The following NXPH1 variants were observed in gnomAD, a reference collection of about 807,000 sequenced individuals.
NXPH1 encodes the protein neurexophilin 1.
In NXPH1, 5 loss-of-function variants were observed where a neutral mutation model predicts 23.7. The observed-to-expected ratio is 0.21, with a 90% CI of 0.11 to 0.44. The LOEUF (loss-of-function observed/expected upper bound fraction) is 0.44. Ranked by LOEUF, NXPH1 falls within the 20% of genes least tolerant of loss-of-function variation. The pLI, the probability that NXPH1 is intolerant of heterozygous loss-of-function variation, is 0.99. For missense variants in NXPH1, 324 were observed against 321.6 expected (o/e 1.01, Z -0.06); for synonymous variants, 144 against 122.2 (o/e 1.18, Z -1.18).
chr7:8,724,002 C>CAAAT (rs1400348855), intron 2 of NXPH1, among the ~76,000 whole-genome samples: 2 of 152,150 alleles, frequency 1.3e-5, no homozygotes, highest in African/African-American at 2.4e-5. Context: ...AATAAATAAT[C>CAAAT]AAATAAATAA....
intron 2 of NXPH1, among the ~76,000 whole-genome samples, chr7:8,543,524 C>CA (rs36046243): frequency 6.6e-6 from 1 of 151,524 alleles, no homozygotes; most frequent in South Asian, 2.1e-4. Flanking sequence ...GCCAAATCCT[C>CA]AAAAATCCCA....
At chr7:8,466,706 AT>A (rs1418555857) in intron 2 of NXPH1, among the ~76,000 whole-genome samples, 1 of 152,164 alleles carries the variant, frequency 6.6e-6, no homozygotes, top group Non-Finnish European at 1.5e-5. Flanking sequence ...AAAAAAGTAA[AT>A]GATCTAAAAC....
intron 2 of NXPH1, among the ~76,000 whole-genome samples, chr7:8,683,430 T>C (rs904366255): frequency 6.6e-6 from 1 of 152,134 alleles, no homozygotes; most frequent in Non-Finnish European, 1.5e-5. Context: ...TCTCCAAAGT[T>C]TCCCAAAATC....
intron 2 of NXPH1, among the ~76,000 whole-genome samples, chr7:8,457,694 T>G (rs1362667245): frequency 6.6e-6 from 1 of 152,084 alleles, no homozygotes; most frequent in East Asian, 1.9e-4. Flanking sequence ...TTGACTGGAG[T>G]GCTCAGTTCC....
chr7:8,570,698 G>A lies in NXPH1; in HGVS notation c.54+134931G>A, dbSNP rs142868109. Among the ~76,000 whole-genome samples the A allele has an allele frequency of 1.9e-3, 294 of 152,028 alleles. 2 individuals carry two copies. Among genetic ancestry groups the A allele is most frequent in the African/African-American group, 6.7e-3 (279 of 41,526 alleles). On this transcript the variant is annotated intron_variant, in intron 2 of 2. Transcript: ENST00000405863. ...AAGTACAACTTAGACAAAGGACCTGGAATGTACAAAGGTCTGGAAGTGGGA... is the reference window on the plus strand; with the variant it reads ...AAGTACAACTTAGACAAAGGACCTGAAATGTACAAAGGTCTGGAAGTGGGA...
intron 2 of NXPH1, among the ~76,000 whole-genome samples, chr7:8,565,602 G>C (rs1215073832): frequency 6.6e-6 from 1 of 151,700 alleles, no homozygotes; most frequent in African/African-American, 2.4e-5. Context: ...TTTTATACTA[G>C]AGAAAAAACA....
At chr7:8,479,864 G>A (rs953667967) in intron 2 of NXPH1, among the ~76,000 whole-genome samples, 1 of 152,032 alleles carries the variant, frequency 6.6e-6, no homozygotes, top group Admixed American at 6.6e-5. Flanking sequence ...AGTAGATAAC[G>A]GTATTTTAAA....
chr7:8,498,338 T>A (rs1817373430), intron 2 of NXPH1, among the ~76,000 whole-genome samples: 1 of 152,090 alleles, frequency 6.6e-6, no homozygotes, highest in Non-Finnish European at 1.5e-5. Flanking sequence ...TGCTGAATGC[T>A]TTAATTTCAG....
At chr7:8,705,914 C>T (rs1350926838) in intron 2 of NXPH1, among the ~76,000 whole-genome samples, 5 of 152,264 alleles carry the variant, frequency 3.3e-5, no homozygotes, top group South Asian at 2.1e-4. Flanking sequence ...TTCTTTGTTG[C>T]TCCACTGTGT....
Position 8,484,267 on chromosome 7 carries a change from C to T in NXPH1, c.54+48500C>T, listed in dbSNP as rs1444374930. On this transcript the variant is annotated intron_variant, in intron 2 of 2. Transcript: ENST00000405863. ...CAGAAACCTCATATTTTGGGCCTTA[C>T]ATATCAAGAATTTGTTAGGTTTCTA... Among the ~76,000 whole-genome samples, 11 of 151,988 alleles carry T rather than the reference C, an allele frequency of 7.2e-5. 1 individual carries two copies. The highest frequency in any genetic ancestry group is 7.2e-4 in the Admixed American group (11 of 15,242).
At chr7:8,742,747 AT>A (rs1468260881) in intron 2 of NXPH1, among the ~76,000 whole-genome samples, 1 of 152,124 alleles carries the variant, frequency 6.6e-6, no homozygotes, top group Non-Finnish European at 1.5e-5. Flanking sequence ...TTTACATTTT[AT>A]TTTATTAATT....
rs1313262219 is a variant in NXPH1 at position 8,648,294 on chromosome 7, C to T, written c.55-102714C>T. Among the ~76,000 whole-genome samples, 3 of 152,106 alleles carry T rather than the reference C, an allele frequency of 2.0e-5. No individual in the cohort carries two copies. In the South Asian group the frequency reaches 6.2e-4, roughly 32 times the overall value. ...TTTTCTTGTAGCCATTAACCACTCC[C>T]ACCTACACCCAATCCCCCCACTACC... On this transcript the variant is annotated intron_variant, in intron 2 of 2. Coordinates refer to ENST00000405863, the MANE Select transcript of NXPH1 (RefSeq NM_152745.3).
chr7:8,686,006 G>A (rs374371963), intron 2 of NXPH1, among the ~76,000 whole-genome samples: 6 of 151,980 alleles, frequency 3.9e-5, no homozygotes, highest in East Asian at 3.9e-4. Context: ...CGTTGCATGC[G>A]TGTATCAAAA....
chr7:8,482,946 A>G (rs1022960274), intron 2 of NXPH1, among the ~76,000 whole-genome samples: 1 of 152,220 alleles, frequency 6.6e-6, no homozygotes, highest in African/African-American at 2.4e-5. Context: ...ATCCAAATAA[A>G]CGAAATATCT....
chr7:8,655,434 CTCTCTCTCTCTCTCT>C (rs1562444312), intron 2 of NXPH1, among the ~76,000 whole-genome samples: 4 of 53,300 alleles, frequency 7.5e-5, no homozygotes, highest in South Asian at 1.4e-3. Context: ...CTCTCTCTCT[CTCTCTCTCTCTCTCT>C]ATACACACAC....
intron 2 of NXPH1, among the ~76,000 whole-genome samples, chr7:8,646,772 C>T (rs1342924423): frequency 2.0e-5 from 3 of 151,918 alleles, no homozygotes; most frequent in East Asian, 3.9e-4. Flanking sequence ...CAAACAGTCC[C>T]TCTATAATTT....
intron 2 of NXPH1, among the ~76,000 whole-genome samples, chr7:8,525,645 C>A (rs1475103414): frequency 1.3e-5 from 2 of 152,166 alleles, no homozygotes; most frequent in East Asian, 3.9e-4. Context: ...GACATGGTAC[C>A]CTGTGTCCAA....
intron 2 of NXPH1, among the ~76,000 whole-genome samples, chr7:8,585,315 T>C (rs1041390671): frequency 3.3e-4 from 50 of 151,822 alleles, no homozygotes; most frequent in African/African-American, 1.0e-3. Context: ...AAATGAGGTA[T>C]GCTTGCTCTG....
chr7:8,621,782 T>C (rs1819879687), intron 2 of NXPH1, among the ~76,000 whole-genome samples: 1 of 152,106 alleles, frequency 6.6e-6, no homozygotes. Context: ...GAGCACTTAC[T>C]ACATACATGA....
Sources: allele counts gnomAD v4.1 joint callset (sites outside exome capture counted in the v4.1 genomes callset), GRCh38; gene constraint gnomAD v4.1.1; transcripts MANE v1.5; gene names NCBI Gene and HGNC (gene_info 2026-07-23, HGNC 2026-07-21).